Variants in MAGI2 observed in about 807,000 individuals in gnomAD.
The protein encoded by MAGI2 is membrane-associated guanylate kinase, WW and PDZ domain-containing protein 2.
A neutral mutation model predicts 133.3 loss-of-function variants in MAGI2; 35 were observed. The ratio of observed to expected loss-of-function variants is 0.26; its 90% CI spans 0.20 to 0.35. MAGI2 has a LOEUF of 0.35. Among genes scored for constraint, MAGI2 ranks in the 10% least tolerant of loss-of-function variants. MAGI2 has a pLI of 1.00. For missense variants in MAGI2, 1,636 were observed against 1,863.4 expected (o/e 0.88, Z 2.25); for synonymous variants, 729 against 710.6 (o/e 1.03, Z -0.41).
At position 78,637,441 on chromosome 7, in the gene MAGI2, AAT is replaced by A. The variant is rs201025297; in HGVS notation, c.419-10204_419-10203del. ...TACATGATAATATGTTAAAAAAAAA[AAT>A]AAGCATCTAATGCAGAAGATCTCTC... On this transcript the variant is annotated intron_variant, in intron 2 of 21. Transcript: ENST00000354212. Among the ~76,000 whole-genome samples, 169 of 140,738 alleles carry A rather than the reference AAT, an allele frequency of 1.2e-3. 2 individuals are homozygous for A. The East Asian group carries it at 0.028, about 23-fold the overall frequency. 92.3% of individuals were successfully genotyped at this position (140,738 alleles called of 152,430 possible).
chr7:78,532,381 T>G (rs917096954), intron 3 of MAGI2, among the ~76,000 whole-genome samples: 20 of 152,192 alleles, frequency 1.3e-4, no homozygotes, highest in African/African-American at 4.1e-4. Flanking sequence ...GACTGTATCT[T>G]TATATGTCTT....
chr7:79,122,771 A>G (rs1377585394), intron 1 of MAGI2, among the ~76,000 whole-genome samples: 2 of 151,822 alleles, frequency 1.3e-5, no homozygotes, highest in African/African-American at 4.8e-5. Context: ...CAGCCACTGC[A>G]ACCTCCACCT....
intron 3 of MAGI2, among the ~76,000 whole-genome samples, chr7:78,548,555 C>T (rs1157322549): frequency 6.6e-6 from 1 of 152,000 alleles, no homozygotes; most frequent in Non-Finnish European, 1.5e-5. Context: ...ATTGGCCGGG[C>T]GTGGTGGTGC....
intron 2 of MAGI2, among the ~76,000 whole-genome samples, chr7:78,976,201 CA>C (rs1309196712): frequency 6.6e-6 from 1 of 151,378 alleles, no homozygotes; most frequent in Non-Finnish European, 1.5e-5. Context: ...CAAGCCACAT[CA>C]AAAATGTATA....
chr7:78,526,106 T>G (rs1200210024), intron 3 of MAGI2, among the ~76,000 whole-genome samples: 1 of 152,094 alleles, frequency 6.6e-6, no homozygotes, highest in Non-Finnish European at 1.5e-5. Context: ...ATAAAGCGAG[T>G]GGAAAACTTA....
intron 9 of MAGI2, among the ~76,000 whole-genome samples, chr7:78,294,330 A>C (rs2151051251): frequency 6.6e-6 from 1 of 152,258 alleles, no homozygotes; most frequent in Middle Eastern, 3.4e-3. Context: ...GTATTAAAAT[A>C]GTTGTAAAAG....
intron 1 of MAGI2, among the ~76,000 whole-genome samples, chr7:79,260,499 G>T (rs911958206): frequency 9.2e-5 from 14 of 152,100 alleles, no homozygotes; most frequent in African/African-American, 3.4e-4. Context: ...TATTATCAAA[G>T]AATTTAATGT....
chr7:79,069,905 T>C (rs1474979715), intron 1 of MAGI2, among the ~76,000 whole-genome samples: 1 of 152,212 alleles, frequency 6.6e-6, no homozygotes, highest in Admixed American at 6.5e-5. Flanking sequence ...TTGAAAATTC[T>C]TTTCTTTAAG....
At chr7:79,384,666 T>G (rs1386904084) in intron 1 of MAGI2, among the ~76,000 whole-genome samples, 1 of 151,622 alleles carries the variant, frequency 6.6e-6, no homozygotes, top group Non-Finnish European at 1.5e-5. Flanking sequence ...ACTTACCAAC[T>G]TATATATATT....
At chr7:79,271,331 A>AT (rs1174264437) in intron 1 of MAGI2, among the ~76,000 whole-genome samples, 2 of 152,060 alleles carry the variant, frequency 1.3e-5, no homozygotes, top group African/African-American at 4.8e-5. Context: ...TTATATCAGC[A>AT]TTTTACGTCT....
chr7:78,638,590 T>C (rs183420608), intron 2 of MAGI2, among the ~76,000 whole-genome samples: 2 of 152,328 alleles, frequency 1.3e-5, no homozygotes, highest in Admixed American at 1.3e-4. Context: ...AGCTATAGTC[T>C]TGGCTTTTGA....
chr7:78,557,634 C>T (rs527984971), intron 3 of MAGI2, among the ~76,000 whole-genome samples: 20 of 152,152 alleles, frequency 1.3e-4, no homozygotes, highest in Admixed American at 3.9e-4. Flanking sequence ...AAAACTAGAG[C>T]GAAAACTAGA....
At chr7:79,007,772 A>G (rs1807601655) in intron 1 of MAGI2, among the ~76,000 whole-genome samples, 1 of 152,132 alleles carries the variant, frequency 6.6e-6, no homozygotes, top group Non-Finnish European at 1.5e-5. Flanking sequence ...AAAGTTAAAG[A>G]AGAAAAACCT....
intron 2 of MAGI2, among the ~76,000 whole-genome samples, chr7:78,695,093 C>T (rs542868958): frequency 1.1e-4 from 16 of 152,080 alleles, no homozygotes; most frequent in African/African-American, 2.9e-4. Flanking sequence ...GGCGTGGTGG[C>T]GGGTGCCTGT....
intron 2 of MAGI2, among the ~76,000 whole-genome samples, chr7:78,954,523 T>A (rs968687182): frequency 6.6e-6 from 1 of 152,162 alleles, no homozygotes; most frequent in African/African-American, 2.4e-5. Context: ...AGTCTTCTGA[T>A]AAAATATGTC....
intron 1 of MAGI2, among the ~76,000 whole-genome samples, chr7:79,319,959 G>C (rs1465805012): frequency 6.6e-6 from 1 of 152,014 alleles, no homozygotes; most frequent in African/African-American, 2.4e-5. Flanking sequence ...CTTTGCAAAG[G>C]GCATGACTGA....
At chr7:79,444,029 A>T (rs1221167096) in intron 1 of MAGI2, among the ~76,000 whole-genome samples, 1 of 152,190 alleles carries the variant, frequency 6.6e-6, no homozygotes, top group East Asian at 1.9e-4. Context: ...CAATAAACGT[A>T]ATCCAGCATA....
chr7:79,150,626 T>C (rs959868101), intron 1 of MAGI2, among the ~76,000 whole-genome samples: 1 of 152,154 alleles, frequency 6.6e-6, no homozygotes, highest in African/African-American at 2.4e-5. Context: ...TTGCAGAATG[T>C]TGATTGTGGA....
At chr7:78,704,443 A>G (rs1027276669) in intron 2 of MAGI2, among the ~76,000 whole-genome samples, 5 of 152,136 alleles carry the variant, frequency 3.3e-5, no homozygotes, top group African/African-American at 9.7e-5. Flanking sequence ...TGTGGAGAAA[A>G]GGGAACACTT....
Sources: gnomAD v4.1 joint callset for allele counts (sites outside exome capture counted in the v4.1 genomes callset) on GRCh38, gnomAD v4.1.1 for gene constraint, MANE v1.5 for transcripts, NCBI Gene and HGNC (gene_info 2026-07-23, HGNC 2026-07-21) for gene names.